BCL2L1: variants seen among roughly 807,000 people sequenced by gnomAD.
BCL2L1 encodes the protein bcl-2-like protein 1.
BCL2L1 carries 1 observed loss-of-function variant against 18.7 expected under a neutral mutation model. The observed-to-expected ratio is 0.05, with a 90% confidence interval of 0.02 to 0.25. The LOEUF (loss-of-function observed/expected upper bound fraction) is 0.25, where lower values mean the gene tolerates loss of function less well. Among genes scored for constraint, BCL2L1 ranks in the 10% least tolerant of loss-of-function variants. The pLI is 1.00. For missense variants in BCL2L1, 207 were observed against 304.9 expected, an observed-to-expected ratio of 0.68 and a Z score of 2.39; for synonymous variants, 103 against 122.7, an observed-to-expected ratio of 0.84 and a Z score of 1.06.
chr20:31,712,260 G>T (rs189440012), intron 2 of BCL2L1, among the ~76,000 whole-genome samples: 118 of 152,290 alleles, frequency 7.7e-4, no homozygotes, highest in African/African-American at 2.7e-3. Context: ...CGTTTAAAAG[G>T]GGGAGGTTGG....
intron 2 of BCL2L1, among the ~76,000 whole-genome samples, chr20:31,668,017 G>C (rs945695387): frequency 9.2e-5 from 14 of 152,072 alleles, no homozygotes; most frequent in Admixed American, 7.2e-4. Context: ...GGCCAGCAAG[G>C]TCTAGTGGGA....
rs563799155 is a variant in BCL2L1, at chr20:31,707,179, G to A, written c.564+14476C>T. ...CTGGCCAAACCTCTACTGTGTACAA[G>A]GTATGACTTGGGCCTTGTAGAGGAG... On this transcript the variant is annotated intron_variant, in intron 2 of 2. Coordinates refer to ENST00000307677, the MANE Select transcript of BCL2L1 (RefSeq NM_138578.3). 3.5e-4 allele frequency among the ~76,000 whole-genome samples: 53 copies of A among 152,272 alleles called. 1 individual carries two copies. In the South Asian group the frequency reaches 0.011, roughly 31 times the overall value.
chr20:31,720,190 G>A (rs2061600052), intron 2 of BCL2L1: 1 of 978,852 alleles, frequency 1.0e-6, no homozygotes. Context: ...AGCTGGCACA[G>A]ACGAGTTGAA....
rs34870623 is a variant in BCL2L1 at position 31,699,502 on chromosome 20, T to C, written c.564+22153A>G. Among the ~76,000 whole-genome samples the C allele has an allele frequency of 4.8e-3, 726 of 152,344 alleles. 10 individuals are homozygous for C. Among genetic ancestry groups the C allele is most frequent in the African/African-American group, 0.016 (673 of 41,568 alleles). ...GGCTCTGGAGGCATCCTCCTGAAGA[T>C]GAGGAGAAAGAGTCCTCTCAGCTGG... On this transcript the variant is annotated intron_variant, in intron 2 of 2. Transcript: ENST00000307677.
At chr20:31,720,219 A>T in intron 2 of BCL2L1, 1 of 926,256 alleles carries the variant, frequency 1.1e-6, no homozygotes, top group Non-Finnish European at 1.3e-6. Context: ...GAAATGCAAA[A>T]TGAGAGAGGG....
intron 2 of BCL2L1, chr20:31,720,000 G>A (rs1279070786): frequency 8.3e-6 from 6 of 726,006 alleles, no homozygotes; most frequent in Non-Finnish European, 8.4e-6. Flanking sequence ...GGAGGGAACA[G>A]GAGAGGTCAC....
chr20:31,674,062 A>C (rs58619292), intron 2 of BCL2L1, among the ~76,000 whole-genome samples: 48 of 152,340 alleles, frequency 3.2e-4, no homozygotes, highest in South Asian at 1.5e-3. Context: ...CAAGAGTAGG[A>C]TCTGTCTGAG....
chr20:31,683,738 C>T, intron 2 of BCL2L1, among the ~76,000 whole-genome samples: 1 of 130,390 alleles, frequency 7.7e-6, no homozygotes, highest in Non-Finnish European at 1.6e-5. Context: ...CACTGCACTC[C>T]AGCCTGGGCA....
intron 2 of BCL2L1, among the ~76,000 whole-genome samples, chr20:31,702,296 G>C (rs1302656624): frequency 6.6e-6 from 1 of 152,138 alleles, no homozygotes; most frequent in South Asian, 2.1e-4. Context: ...AATGATGGAG[G>C]GGCAGCCAGG....
At chr20:31,720,760 T>G in intron 2 of BCL2L1, 1 of 985,360 alleles carries the variant, frequency 1.0e-6, no homozygotes, top group South Asian at 4.7e-5. Flanking sequence ...ATGACAGAAC[T>G]GGAACTTATA....
In BCL2L1 at chr20:31,691,152, CAAAAAAAAAAAAAAAAAAAAAA is replaced by C. The variant is rs539012918; in HGVS notation, c.565-25088_565-25067del. Among the ~76,000 whole-genome samples the C allele has an allele frequency of 7.0e-3, 175 of 24,856 alleles. 8 individuals are homozygous for C. The East Asian group carries it at 0.076, about 11-fold the overall frequency. The allele number at this position is 24,856 out of a possible 152,430, so 16.3% of individuals were successfully genotyped here. ...TGGGCAACAGGGCGAGACTCTGTCT[CAAAAAAAAAAAAAAAAAAAAAA>C]AAAAAAAAAAAAAAGAAATATTAAT... On this transcript the variant is annotated intron_variant, in intron 2 of 2. Transcript: ENST00000307677.
intron 2 of BCL2L1, among the ~76,000 whole-genome samples, chr20:31,704,244 C>T (rs1384601405): frequency 1.3e-5 from 2 of 151,452 alleles, no homozygotes; most frequent in African/African-American, 4.9e-5. Flanking sequence ...GCTGGGATTA[C>T]AGGCGTGCAC....
chr20:31,721,598 TG>T, intron 2 of BCL2L1, 56 bp downstream of exon 2: 1 of 1,516,318 alleles, frequency 6.6e-7, no homozygotes, highest in Non-Finnish European at 8.9e-7. Flanking sequence ...GAAGGGCTGT[TG>T]GGGATCTCTG....
chr20:31,692,144 G>C (rs955570215), intron 2 of BCL2L1, among the ~76,000 whole-genome samples: 3 of 152,238 alleles, frequency 2.0e-5, no homozygotes, highest in Admixed American at 1.3e-4. Flanking sequence ...AACACTTTGG[G>C]GGTGGAGCCC....
At chr20:31,698,879 A>G (rs571969814) in intron 2 of BCL2L1, among the ~76,000 whole-genome samples, 1 of 152,210 alleles carries the variant, frequency 6.6e-6, no homozygotes, top group East Asian at 1.9e-4. Context: ...GGAGATCTCC[A>G]ATATATCTCC....
intron 2 of BCL2L1, among the ~76,000 whole-genome samples, chr20:31,672,870 TTTC>T (rs2060693062): frequency 6.6e-6 from 1 of 152,118 alleles, no homozygotes; most frequent in South Asian, 2.1e-4. Flanking sequence ...TCTTTTTTTT[TTTC>T]TTGTAAATTT....
chr20:31,700,132 C>T (rs117758478), intron 2 of BCL2L1, among the ~76,000 whole-genome samples: 27 of 152,328 alleles, frequency 1.8e-4, no homozygotes, highest in Non-Finnish European at 2.8e-4. Context: ...AAGAGTTCTA[C>T]AAGAGCAATG....
At chr20:31,692,599 C>A (rs910913037) in intron 2 of BCL2L1, among the ~76,000 whole-genome samples, 1 of 151,880 alleles carries the variant, frequency 6.6e-6, no homozygotes, top group Non-Finnish European at 1.5e-5. Context: ...TGTGGTGAAA[C>A]CCCATCTCTA....
intron 2 of BCL2L1, among the ~76,000 whole-genome samples, chr20:31,689,735 G>A (rs1280199479): frequency 7.9e-5 from 12 of 152,250 alleles, no homozygotes; most frequent in African/African-American, 2.9e-4. Flanking sequence ...AAGATGTTCT[G>A]CCAGGCGCGG....
Sources: gnomAD v4.1 joint callset for allele counts (sites outside exome capture counted in the v4.1 genomes callset) on GRCh38, gnomAD v4.1.1 for gene constraint, MANE v1.5 for transcripts, NCBI Gene and HGNC (gene_info 2026-07-23, HGNC 2026-07-21) for gene names.